P4HA3: variants seen among roughly 807,000 people sequenced by gnomAD.
The protein encoded by P4HA3 is prolyl 4-hydroxylase subunit alpha 3, also known as prolyl 4-hydroxylase subunit alpha-3.
Under a neutral mutation model 66.7 loss-of-function variants are expected in P4HA3, and 60 were observed. The ratio of observed to expected loss-of-function variants is 0.90; its 90% CI spans 0.73 to 1.12. The LOEUF (loss-of-function observed/expected upper bound fraction) is 1.12, where lower values mean the gene tolerates loss of function less well. Among genes scored for constraint, P4HA3 ranks in the 50% most tolerant of loss-of-function variants. P4HA3 has a pLI of 0.00. For synonymous variants in P4HA3, 263 were observed against 274.6 expected (o/e 0.96, Z 0.42); for missense variants, 683 against 685.8 (o/e 1.00, Z 0.05).
intron 4 of P4HA3, among the ~76,000 whole-genome samples, chr11:74,297,118 T>C (rs992889834): frequency 2.0e-4 from 31 of 151,908 alleles, no homozygotes; most frequent in African/African-American, 7.5e-4. Context: ...TTTTTGTTTT[T>C]GTTTTGTTTG....
chr11:74,264,055 G>A (rs1166962383), downstream of P4HA3, among the ~76,000 whole-genome samples: 1 of 152,304 alleles, frequency 6.6e-6, no homozygotes, highest in Middle Eastern at 3.4e-3. Flanking sequence ...TCAGATTCAG[G>A]GGGTATGGAG....
chr11:74,303,366 C>T (rs956041826), intron 2 of P4HA3, among the ~76,000 whole-genome samples: 1 of 149,556 alleles, frequency 6.7e-6, no homozygotes, highest in Non-Finnish European at 1.5e-5. Context: ...GCAATCTCAG[C>T]TCACTGCAAC....
intron 10 of P4HA3, among the ~76,000 whole-genome samples, chr11:74,270,029 A>T (rs1439268788): frequency 6.6e-6 from 1 of 152,162 alleles, no homozygotes. Context: ...AGGAAAAAAT[A>T]CATTTTAAAT....
intron 15 of P4HA3, chr11:74,251,115 C>T: frequency 2.0e-6 from 3 of 1,532,012 alleles, no homozygotes; most frequent in Non-Finnish European, 2.6e-6. Flanking sequence ...GCATTGCCTG[C>T]AGCAGCTGCT....
chr11:74,252,656 GCTTTTACCCACCTGA>G (rs1250534279), intron 15 of P4HA3: 2 of 395,686 alleles, frequency 5.1e-6, no homozygotes, highest in Admixed American at 5.2e-5. Flanking sequence ...AGTATCCCTG[GCTTTTACCCACCTGA>G]TAACAGTAGT....
rs1860281077 is a variant in P4HA3, at chr11:74,273,575, T to C, written c.1368A>G (p.Ser456=). The C allele has an allele frequency of 1.3e-6, 2 of 1,564,666 alleles. No homozygotes were observed. The highest frequency in any genetic ancestry group is 2.4e-5 in the East Asian group (1 of 42,062). ...TCATAAATGTTGCAACTCGGTTTCC[T>C]GACTTCATTCTGTAGAGGGGGCTGC... The part of the protein sequence containing the change: ...SPSSPLYRMK[S]GNRVATFMIY... Residue 456 remains serine (S), a synonymous_variant, in exon 10 of 13, where the codon TCA becomes TCG. Transcript: ENST00000331597.
chr11:74,260,703 G>GT (rs1211056234), intron 14 of P4HA3, among the ~76,000 whole-genome samples: 5 of 152,012 alleles, frequency 3.3e-5, no homozygotes, highest in African/African-American at 7.2e-5. Flanking sequence ...AAGTAATTGT[G>GT]TTTTTTTACC....
At chr11:74,252,216 C>T (rs1024590814) in intron 15 of P4HA3, among the ~76,000 whole-genome samples, 6 of 149,066 alleles carry the variant, frequency 4.0e-5, no homozygotes, top group South Asian at 4.3e-4. Flanking sequence ...CACAGGCGTA[C>T]GCCACCGTAC....
At chr11:74,257,736 G>A (rs1859851509) in intron 15 of P4HA3, among the ~76,000 whole-genome samples, 2 of 133,208 alleles carry the variant, frequency 1.5e-5, no homozygotes, top group Non-Finnish European at 3.4e-5. Context: ...CTGTGTAGAT[G>A]GATTGGTGGG....
Position 74,266,897 on chromosome 11 carries a change from G to A in P4HA3, c.*351C>T, listed in dbSNP as rs1468977569. ...TCATTGCCACTTCTTGGTCCCTGTG[G>A]TCAAGGTTCAAAGTGCCAAAAGACC... On this transcript the variant is annotated 3_prime_UTR_variant, in exon 13 of 13. Transcript: ENST00000331597. 1.0e-6 allele frequency: 1 copy of A among 1,003,418 alleles called. No individual in the cohort carries two copies. The highest frequency in any genetic ancestry group is 1.4e-6 in the Non-Finnish European group (1 of 707,340). 62.2% of individuals were successfully genotyped at this position (1,003,418 alleles called of 1,614,324 possible).
chr11:74,266,525 G>T (rs990515678), downstream of P4HA3: 7 of 163,930 alleles, frequency 4.3e-5, no homozygotes, highest in Non-Finnish European at 8.0e-5. Context: ...ATTATCCATG[G>T]TTTTTTTTCA....
chr11:74,285,742 T>C (rs1860769986), intron 7 of P4HA3, 67 bp downstream of exon 7: 3 of 1,514,478 alleles, frequency 2.0e-6, no homozygotes, highest in Admixed American at 1.9e-5. Context: ...TGCCTATTCT[T>C]ACACTCCTGA....
rs540442430 is a variant in P4HA3 at position 74,287,190 on chromosome 11, A to G, written c.770-799T>C. 5.3e-5 allele frequency: 68 copies of G among 1,280,450 alleles called. No homozygotes were observed. In the African/African-American group the frequency reaches 8.7e-4, roughly 16 times the overall value. 79.3% of individuals were successfully genotyped at this position (1,280,450 alleles called of 1,614,324 possible). On this transcript the variant is annotated intron_variant, in intron 5 of 12. Coordinates refer to ENST00000331597, the MANE Select transcript of P4HA3 (RefSeq NM_182904.5). Reference sequence around the variant, plus strand: ...ACCCGTGGCCTGCTGGCCTCTTTGCATGACTCTCAATGCATCTCAGAAGGA... The same window carrying G: ...ACCCGTGGCCTGCTGGCCTCTTTGCGTGACTCTCAATGCATCTCAGAAGGA...
At chr11:74,266,399 C>T (rs1859992362), downstream of P4HA3, among the ~76,000 whole-genome samples, 6 of 152,308 alleles carry the variant, frequency 3.9e-5, 1 homozygote, top group South Asian at 8.3e-4. Context: ...CTCTAGATTA[C>T]TTATAACACC....
chr11:74,294,701 A>G (rs1264525184), intron 4 of P4HA3, among the ~76,000 whole-genome samples: 1 of 152,144 alleles, frequency 6.6e-6, no homozygotes, highest in Non-Finnish European at 1.5e-5. Flanking sequence ...GGAGTTTGCT[A>G]GAGGTCCACT....
chr11:74,267,490 C>A (rs1194591881), intron 12 of P4HA3, among the ~76,000 whole-genome samples, 172 bp from the exon 13 acceptor site: 2 of 152,240 alleles, frequency 1.3e-5, no homozygotes, highest in Non-Finnish European at 2.9e-5. Flanking sequence ...CAAGCTGTTT[C>A]TTCCAGCAGA....
chr11:74,306,137 T>C (rs147269096), intron 1 of P4HA3, among the ~76,000 whole-genome samples: 92 of 152,182 alleles, frequency 6.0e-4, no homozygotes, highest in Non-Finnish European at 1.0e-3. Context: ...GAGAATGGAC[T>C]GGGTTCAAGG....
At chr11:74,260,472 G>T (rs1161222585) in intron 14 of P4HA3, among the ~76,000 whole-genome samples, 2 of 152,198 alleles carry the variant, frequency 1.3e-5, no homozygotes, top group African/African-American at 4.8e-5. Flanking sequence ...CTCACAATTG[G>T]GAGGGGGGCC....
At chr11:74,251,450 C>G in intron 15 of P4HA3, 1 of 1,421,720 alleles carries the variant, frequency 7.0e-7, no homozygotes, top group Non-Finnish European at 9.2e-7. Flanking sequence ...CTCTATGGAG[C>G]TATCCCTGGC....
Sources: gnomAD v4.1 joint callset for allele counts (sites outside exome capture counted in the v4.1 genomes callset) on GRCh38, gnomAD v4.1.1 for gene constraint, MANE v1.5 for transcripts, NCBI Gene and HGNC (gene_info 2026-07-23, HGNC 2026-07-21) for gene names.